The following SNX14 variants were observed in gnomAD, a reference collection of about 807,000 sequenced individuals.
SNX14 encodes sorting nexin-14.
A neutral mutation model predicts 133.8 loss-of-function variants in SNX14; 93 were observed. That is an observed-to-expected ratio of 0.70 (90% CI 0.59 to 0.83). The LOEUF (loss-of-function observed/expected upper bound fraction) is 0.83. Ranked by LOEUF, SNX14 falls within the 40% of genes least tolerant of loss-of-function variation. The pLI is 0.00. For synonymous variants in SNX14, 368 were observed against 365.6 expected (o/e 1.01, Z -0.07); for missense variants, 945 against 1,094.9 (o/e 0.86, Z 1.93).
Position 85,536,833 on chromosome 6 carries a change from T to C in SNX14, c.1567A>G (p.Met523Val), listed in dbSNP as rs1181020254. The C allele has an allele frequency of 3.7e-6, 6 of 1,613,344 alleles. No homozygotes were observed. The African/African-American group carries it at 4.0e-5, about 11-fold the overall frequency. ...VFKSTTMEGA[M>V]LPNYGVAEGE... ...TCAGCTACACCATAATTAGGCAACA[T>C]AGCTCCCTCCATTGTGGTACTTTTG... is the stretch of plus-strand genomic sequence containing the variant. Residue 523 changes from methionine to valine, a missense_variant, in exon 17 of 29, where the codon ATG (methionine) becomes GTG (valine). Met to Val is a conservative substitution (Grantham distance 21). This residue lies in a region of SNX14 where 412 missense variants were observed against 516.6 expected (regional missense o/e 0.80). Coordinates refer to ENST00000314673, the MANE Select transcript of SNX14 (RefSeq NM_153816.6).
At chr6:85,514,688 A>C in intron 23 of SNX14, 59 bp from the exon 24 acceptor site, 1 of 1,527,150 alleles carries the variant, frequency 6.5e-7, no homozygotes, top group African/African-American at 1.4e-5. Context: ...GCTGACGATA[A>C]TCAATAAGGA....
intron 1 of SNX14, among the ~76,000 whole-genome samples, chr6:85,579,368 TA>T: frequency 6.6e-6 from 1 of 152,142 alleles, no homozygotes; most frequent in East Asian, 1.9e-4. Context: ...GATAGCCAAA[TA>T]GAAGGCTCTC....
chr6:85,542,092 A>C lies in SNX14; in HGVS notation c.1390-49T>G, dbSNP rs753369896. The C allele has an allele frequency of 1.6e-6, 2 of 1,277,756 alleles. 1 individual carries two copies. The highest frequency in any genetic ancestry group is 3.0e-5 in the South Asian group (2 of 66,332). 79.2% of individuals were successfully genotyped at this position (1,277,756 alleles called of 1,614,324 possible). On this transcript the variant is annotated intron_variant, in intron 14 of 28. Coordinates refer to ENST00000314673, the MANE Select transcript of SNX14 (RefSeq NM_153816.6). ...ATCATTTATTACACTTACAATTAAC[A>C]TTAAAACATGTTACCTTAGTTTACT...
chr6:85,534,878 C>T (rs1220967492), intron 17 of SNX14, among the ~76,000 whole-genome samples: 7 of 137,828 alleles, frequency 5.1e-5, no homozygotes, highest in Non-Finnish European at 7.7e-5. Flanking sequence ...TTAATAGAAG[C>T]GGTTTCTGGG....
rs767991842 is a variant in SNX14, at chr6:85,574,242, G to C, written c.261+16C>G. On this transcript the variant is annotated intron_variant, in intron 2 of 28. Transcript: ENST00000314673. ...CATATACATTGATTCTTAACAATAA[G>C]AACACATAATTTTACCTTGGGTTTG... The C allele has an allele frequency of 1.7e-5, 26 of 1,554,766 alleles. No individual in the cohort carries two copies. In the South Asian group the frequency reaches 3.1e-4, roughly 19 times the overall value.
intron 7 of SNX14, among the ~76,000 whole-genome samples, chr6:85,552,032 C>CTTT (rs71551482): frequency 1.4e-3 from 160 of 114,108 alleles, no homozygotes; most frequent in Middle Eastern, 5.4e-3. Flanking sequence ...TGTTGGGAAT[C>CTTT]TTTTTTTTTT....
In SNX14 at chr6:85,550,337, G is replaced by A. The variant is rs1043747924; in HGVS notation, c.635-458C>T. 1.8e-4 allele frequency among the ~76,000 whole-genome samples: 27 copies of A among 152,156 alleles called. 1 individual carries two copies. The highest frequency in any genetic ancestry group is 6.8e-3 in the Middle Eastern group (2 of 292). ...TTTGCAAACAAGAATTTAAACTTACGCCTCTACAAGTTATATAAAATAATA... is the reference window on the plus strand; with the variant it reads ...TTTGCAAACAAGAATTTAAACTTACACCTCTACAAGTTATATAAAATAATA... On this transcript the variant is annotated intron_variant, in intron 7 of 28. Coordinates refer to ENST00000314673, the MANE Select transcript of SNX14 (RefSeq NM_153816.6).
At chr6:85,540,586 A>AAT (rs1783381383) in intron 15 of SNX14, among the ~76,000 whole-genome samples, 1 of 152,226 alleles carries the variant, frequency 6.6e-6, no homozygotes, top group Non-Finnish European at 1.5e-5. Flanking sequence ...TATTTTTGCA[A>AAT]ATAATCCTAA....
chr6:85,583,525 A>G (rs1799704670), intron 1 of SNX14, among the ~76,000 whole-genome samples: 3 of 152,188 alleles, frequency 2.0e-5, no homozygotes, highest in African/African-American at 7.2e-5. Flanking sequence ...CCCAAAATCA[A>G]CTTAAGCTGA....
At chr6:85,523,040 T>C (rs1050755292) in intron 21 of SNX14, among the ~76,000 whole-genome samples, 4 of 152,140 alleles carry the variant, frequency 2.6e-5, no homozygotes, top group African/African-American at 9.7e-5. Flanking sequence ...ATGGGTAATA[T>C]GGAAGGGCAT....
At chr6:85,524,805 C>T (rs1778058693) in intron 21 of SNX14, among the ~76,000 whole-genome samples, 1 of 150,358 alleles carries the variant, frequency 6.7e-6, no homozygotes. Flanking sequence ...AAAAAAAAAT[C>T]CAGTCACTGA....
chr6:85,541,282 C>T (rs966215263), intron 15 of SNX14, among the ~76,000 whole-genome samples: 3 of 152,136 alleles, frequency 2.0e-5, no homozygotes, highest in African/African-American at 7.2e-5. Context: ...CGTGAGCCAC[C>T]GTGCCCGGCC....
intron 1 of SNX14, among the ~76,000 whole-genome samples, chr6:85,588,657 C>T (rs954239779): frequency 6.6e-6 from 1 of 152,068 alleles, no homozygotes; most frequent in Non-Finnish European, 1.5e-5. Context: ...TTGGTCTCCC[C>T]GCAGTCAACA....
intron 7 of SNX14, among the ~76,000 whole-genome samples, chr6:85,551,249 T>G (rs1787728742): frequency 6.6e-6 from 1 of 152,204 alleles, no homozygotes; most frequent in Admixed American, 6.5e-5. Flanking sequence ...AGTTATATAC[T>G]CTGTGTTCTC....
At chr6:85,527,783 G>T (rs1778969157) in intron 20 of SNX14, among the ~76,000 whole-genome samples, 1 of 152,016 alleles carries the variant, frequency 6.6e-6, no homozygotes, top group African/African-American at 2.4e-5. Context: ...AAATAGTAGA[G>T]TTGATCCCAG....
chr6:85,506,392 C>A (rs956620020), intron 28 of SNX14, among the ~76,000 whole-genome samples: 1 of 151,988 alleles, frequency 6.6e-6, no homozygotes, highest in African/African-American at 2.4e-5. Flanking sequence ...TCTCGGCTCA[C>A]TGCAACCTCC....
At chr6:85,518,345 T>C (rs1775761291) in intron 21 of SNX14, among the ~76,000 whole-genome samples, 2 of 152,160 alleles carry the variant, frequency 1.3e-5, no homozygotes, top group Non-Finnish European at 2.9e-5. Flanking sequence ...TATTACATAA[T>C]TTTGTCTACT....
intron 21 of SNX14, among the ~76,000 whole-genome samples, chr6:85,520,889 T>C (rs1404767892): frequency 2.6e-5 from 4 of 152,222 alleles, no homozygotes; most frequent in Non-Finnish European, 5.9e-5. Context: ...ATTTGTGCTG[T>C]TTCTAGTTTG....
Position 85,517,887 on chromosome 6 carries a change from G to A in SNX14, c.2149-12C>T, listed in dbSNP as rs763842768. ...AAATGCTGACCTTTCTGTGGTGATA[G>A]ATTATTGTAAGAAAATAAAAAATAA... On this transcript the variant is annotated splice_polypyrimidine_tract_variant and intron_variant, in intron 22 of 28. Transcript: ENST00000314673. 6.3e-7 allele frequency: 1 copy of A among 1,586,160 alleles called. No homozygotes were observed. Among genetic ancestry groups the A allele is most frequent in the Non-Finnish European group, 8.5e-7 (1 of 1,172,118 alleles).
Sources: gnomAD v4.1 joint callset for allele counts (sites outside exome capture counted in the v4.1 genomes callset) on GRCh38, gnomAD v4.1.1 for gene constraint, gnomAD v4.1.1 regional missense constraint, MANE v1.5 for transcripts, NCBI Gene and HGNC (gene_info 2026-07-23, HGNC 2026-07-21) for gene names.